CHST3: variants seen among roughly 807,000 people sequenced by gnomAD.
CHST3 encodes C6ST-1.
In CHST3, 20 loss-of-function variants were observed where a neutral mutation model predicts 35.4. The observed-to-expected ratio is 0.57, with a 90% CI of 0.40 to 0.82. The LOEUF is 0.82. CHST3 is among the 40% of genes least tolerant of loss of function. The probability of loss-of-function intolerance (pLI) is 0.00; values close to 1 mark genes in which losing one functional copy is unlikely to be tolerated. For missense variants in CHST3, 693 were observed against 670.1 expected, an observed-to-expected ratio of 1.03 and a Z score of -0.38; for synonymous variants, 334 against 295.9, an observed-to-expected ratio of 1.13 and a Z score of -1.32.
chr10:72,004,068 C>T (rs1376118985), intron 1 of CHST3, among the ~76,000 whole-genome samples: 3 of 152,010 alleles, frequency 2.0e-5, no homozygotes, highest in African/African-American at 4.8e-5. Flanking sequence ...CCCAGCTACT[C>T]GGGAGGCTGA....
At chr10:71,987,185 C>T (rs1839854722) in intron 1 of CHST3, among the ~76,000 whole-genome samples, 1 of 152,146 alleles carries the variant, frequency 6.6e-6, no homozygotes, top group Non-Finnish European at 1.5e-5. Flanking sequence ...CCCAAGACCC[C>T]TGTGGCCCCT....
intron 1 of CHST3, among the ~76,000 whole-genome samples, chr10:71,970,976 A>G (rs554035238): frequency 9.8e-5 from 15 of 152,306 alleles, no homozygotes; most frequent in South Asian, 8.3e-4. Flanking sequence ...GGTCACACCA[A>G]TGATTTCCAG....
chr10:71,979,394 G>A (rs893682736), intron 1 of CHST3, among the ~76,000 whole-genome samples: 12 of 152,160 alleles, frequency 7.9e-5, no homozygotes, highest in Admixed American at 2.6e-4. Context: ...GTTAGATGGC[G>A]GGAGAGGGGT....
At chr10:72,007,072 T>A in intron 2 of CHST3, 100 bp from the exon 3 acceptor site, 1 of 1,373,890 alleles carries the variant, frequency 7.3e-7, no homozygotes, top group Non-Finnish European at 1.0e-6. Context: ...GAAACCCAAC[T>A]GAGACAGGTT....
intron 1 of CHST3, among the ~76,000 whole-genome samples, chr10:72,004,946 A>G (rs1188389954): frequency 6.6e-6 from 1 of 152,188 alleles, no homozygotes; most frequent in Non-Finnish European, 1.5e-5. Flanking sequence ...GCTGGGCAAC[A>G]TGGCAAGACC....
chr10:72,008,119 G>C lies in CHST3; in HGVS notation c.1088G>C (p.Arg363Pro). 1 of 1,547,420 alleles carries C rather than the reference G, an allele frequency of 6.5e-7. No individual in the cohort carries two copies. The highest frequency in any genetic ancestry group is 8.7e-7 in the Non-Finnish European group (1 of 1,145,820). ...GGGCTGCGGCAGCCCGCCTGGCTGC[G>C]GGGCCGCTACATGCTGGTGCGCTAC... The part of the protein sequence containing the change: ...ELGLRQPAWL[R>P]GRYMLVRYED... Residue 363 changes from arginine to proline, a missense_variant, in exon 3 of 3, where the codon CGG becomes CCG. Transcript: ENST00000373115.
At chr10:71,987,502 T>A (rs145325546) in intron 1 of CHST3, among the ~76,000 whole-genome samples, 30 of 151,820 alleles carry the variant, frequency 2.0e-4, no homozygotes, top group African/African-American at 6.8e-4. Flanking sequence ...TCACTTGAGG[T>A]CAGGAGTTCA....
Position 72,005,957 on chromosome 10 carries a change from G to A in CHST3, c.115G>A (p.Glu39Lys), listed in dbSNP as rs754685744. 30 of 1,570,178 alleles carry A rather than the reference G, an allele frequency of 1.9e-5. No individual in the cohort carries two copies. The highest frequency in any genetic ancestry group is 1.7e-4 in the Middle Eastern group (1 of 5,832). Residue 39 changes from glutamate to lysine, a missense_variant, in exon 2 of 3, where the codon GAA becomes AAA. Physicochemically the swap from Glu to Lys is moderately conservative, Grantham distance 56 (BLOSUM62 1). Coordinates refer to ENST00000373115, the MANE Select transcript of CHST3 (RefSeq NM_004273.5). Reference sequence around the variant, plus strand: ...TGTGGTGATAGTTTTTGTCTTCATCGAAAAGGAAAATAAAATCATATCAAG... The same window carrying A: ...TGTGGTGATAGTTTTTGTCTTCATCAAAAAGGAAAATAAAATCATATCAAG... The part of the protein sequence containing the change: ...VFVVIVFVFI[E>K]KENKIISRVS...
At chr10:71,971,383 C>T (rs778155628) in intron 1 of CHST3, among the ~76,000 whole-genome samples, 71 of 152,320 alleles carry the variant, frequency 4.7e-4, no homozygotes, top group Non-Finnish European at 6.3e-4. Flanking sequence ...GTTCATAAGA[C>T]GGCTTCACAG....
At chr10:71,994,019 G>C (rs917789300) in intron 1 of CHST3, among the ~76,000 whole-genome samples, 1 of 152,152 alleles carries the variant, frequency 6.6e-6, no homozygotes, top group African/African-American at 2.4e-5. Context: ...AGAATCGCTT[G>C]AACTCGGGAG....
At chr10:71,995,420 T>TCA (rs1313255219) in intron 1 of CHST3, among the ~76,000 whole-genome samples, 1 of 73,106 alleles carries the variant, frequency 1.4e-5, no homozygotes, top group Non-Finnish European at 2.5e-5. Flanking sequence ...AGAGTCTGTC[T>TCA]CAAAAAAAAA....
In CHST3 at chr10:72,008,246, G is replaced by C; in HGVS notation, c.1215G>C (p.Thr405=). The C allele has an allele frequency of 6.4e-7, 1 of 1,572,612 alleles. No individual in the cohort carries two copies. Among genetic ancestry groups the C allele is most frequent in the Non-Finnish European group, 8.6e-7 (1 of 1,159,402 alleles). The part of the protein sequence containing the change: ...PQVEDWIQKN[T]QAAHDGSGIY... ...TGGAAGACTGGATCCAAAAGAACAC[G>C]CAGGCGGCCCACGACGGCAGCGGCA... The change falls in exon 3 of 3, where the codon ACG becomes ACC. Residue 405 remains threonine, a synonymous_variant. Transcript: ENST00000373115.
At chr10:71,967,384 AC>A (rs2131734507) in intron 1 of CHST3, among the ~76,000 whole-genome samples, 1 of 152,162 alleles carries the variant, frequency 6.6e-6, no homozygotes, top group South Asian at 2.1e-4. Context: ...GTTCAGATGT[AC>A]CCAATGTTTA....
intron 1 of CHST3, among the ~76,000 whole-genome samples, chr10:71,972,622 C>T (rs190826387): frequency 2.6e-5 from 4 of 152,304 alleles, no homozygotes; most frequent in African/African-American, 9.6e-5. Context: ...TTCTGCCTCC[C>T]TAGTGGCCAT....
At chr10:71,987,436 C>A (rs985687531) in intron 1 of CHST3, among the ~76,000 whole-genome samples, 1 of 151,810 alleles carries the variant, frequency 6.6e-6, no homozygotes, top group Non-Finnish European at 1.5e-5. Flanking sequence ...CAGAGGAGAC[C>A]GACGCAGTGA....
Position 71,967,158 on chromosome 10 carries a change from T to A in CHST3, c.-108+2464T>A, listed in dbSNP as rs565387173. On this transcript the variant is annotated intron_variant, in intron 1 of 2. Transcript: ENST00000373115. ...GCTGGCACCACCATGCCTGACTAATTTTTTTGTATTTTTTGTAGAGACAGG... is the reference window on the plus strand; with the variant it reads ...GCTGGCACCACCATGCCTGACTAATATTTTTGTATTTTTTGTAGAGACAGG... Among the ~76,000 whole-genome samples the A allele has an allele frequency of 2.6e-5, 4 of 152,182 alleles. No individual in the cohort carries two copies. The South Asian group carries it at 8.3e-4, about 32-fold the overall frequency.
intron 1 of CHST3, among the ~76,000 whole-genome samples, chr10:71,987,208 G>T (rs1479612848): frequency 5.3e-5 from 8 of 151,936 alleles, no homozygotes; most frequent in Admixed American, 5.2e-4. Flanking sequence ...CTCCCTAACC[G>T]CTGCTTCTCC....
chr10:71,995,910 G>A (rs951148893), intron 1 of CHST3, among the ~76,000 whole-genome samples: 6 of 152,172 alleles, frequency 3.9e-5, no homozygotes, highest in African/African-American at 1.4e-4. Context: ...GAGAGCTCAT[G>A]CTTTTGGAGA....
At chr10:71,989,892 T>C (rs752150187) in intron 1 of CHST3, among the ~76,000 whole-genome samples, 2 of 152,238 alleles carry the variant, frequency 1.3e-5, no homozygotes, top group African/African-American at 2.4e-5. Context: ...CAGCATTTTA[T>C]GTCAGCCCTC....
Sources: gnomAD v4.1 joint callset for allele counts (sites outside exome capture counted in the v4.1 genomes callset) on GRCh38, gnomAD v4.1.1 for gene constraint, MANE v1.5 for transcripts, NCBI Gene and HGNC (gene_info 2026-07-23, HGNC 2026-07-21) for gene names.